COL6A3: variants seen among roughly 807,000 people sequenced by gnomAD.
COL6A3 encodes the protein collagen type VI alpha 3 chain, also known as collagen alpha-3(VI) chain.
COL6A3 carries 137 observed loss-of-function variants against 274.1 expected under a neutral mutation model. That is an observed-to-expected ratio of 0.50 (90% CI 0.44 to 0.58). The LOEUF (loss-of-function observed/expected upper bound fraction) is 0.58. Ranked by LOEUF, COL6A3 falls within the 20% of genes least tolerant of loss-of-function variation. COL6A3 has a pLI of 0.00. For synonymous variants in COL6A3, 1,650 were observed against 1,650.6 expected (o/e 1.00, Z 0.01); for missense variants, 3,950 against 4,124.9 (o/e 0.96, Z 1.16).
intron 1 of COL6A3, among the ~76,000 whole-genome samples, chr2:237,412,277 C>T (rs554584124): frequency 4.1e-4 from 63 of 152,374 alleles, no homozygotes; most frequent in African/African-American, 1.5e-3. Flanking sequence ...GGGCGGCCAG[C>T]CCCGGTATTC....
intron 42 of COL6A3, chr2:237,327,085 C>A (rs1263401922): frequency 6.6e-6 from 1 of 152,190 alleles, no homozygotes; most frequent in African/African-American, 2.4e-5. Context: ...ACAAAAACAA[C>A]CTTCTTTCTC....
At position 237,387,756 on chromosome 2, in the gene COL6A3, CA is replaced by C. The variant is rs2078183851; in HGVS notation, c.1137del (p.Gly380GlufsTer13). On this transcript the variant is annotated frameshift_variant, in exon 4 of 44. Transcript: ENST00000295550. LOFTEE classifies it high-confidence loss of function. The stretch of plus-strand genomic sequence containing the variant: ...TCTGCCCTGGAGGCGGCCTGGGCTC[CA>C]AGGCCGAATGAGAACACGCTAGCCT... ...LKQASVFSFG[L>X]GAQAASRAEL... The C allele has an allele frequency of 6.2e-7, 1 of 1,613,938 alleles. No individual in the cohort carries two copies. The highest frequency in any genetic ancestry group is 8.5e-7 in the Non-Finnish European group (1 of 1,179,986).
chr2:237,348,682 T>A lies in COL6A3; in HGVS notation c.6880-19A>T. On this transcript the variant is annotated intron_variant, in intron 28 of 43. Coordinates refer to ENST00000295550, the MANE Select transcript of COL6A3 (RefSeq NM_004369.4). The stretch of plus-strand genomic sequence containing the variant: ...CATCTCCCTAAGAGTGGGAAAGAGA[T>A]GTGACTGTAGGTCGCCATGCCTGGC... 6.2e-7 allele frequency: 1 copy of A among 1,613,772 alleles called. No homozygotes were observed. The highest frequency in any genetic ancestry group is 8.5e-7 in the Non-Finnish European group (1 of 1,179,748).
chr2:237,343,474 C>T (rs1168251266), intron 36 of COL6A3: 2 of 110,856 alleles, frequency 1.8e-5, no homozygotes, highest in African/African-American at 7.3e-5. Flanking sequence ...GAGATCACGC[C>T]ATTGCACTCC....
intron 3 of COL6A3, among the ~76,000 whole-genome samples, chr2:237,392,343 A>G (rs959448330): frequency 1.3e-5 from 2 of 152,194 alleles, no homozygotes; most frequent in East Asian, 3.9e-4. Context: ...TGAAAAACTG[A>G]CATCTGGTAC....
At chr2:237,328,729 C>T (rs549724546) in intron 42 of COL6A3, 2 of 152,200 alleles carry the variant, frequency 1.3e-5, no homozygotes, top group Non-Finnish European at 2.9e-5. Flanking sequence ...TGTTTCAATG[C>T]ATTTTTAAAG....
chr2:237,351,443 C>T (rs945657360), intron 26 of COL6A3, among the ~76,000 whole-genome samples: 6 of 152,220 alleles, frequency 3.9e-5, no homozygotes, highest in Non-Finnish European at 5.9e-5. Context: ...CAAATTAATG[C>T]ATGTTGCAGT....
intron 1 of COL6A3, among the ~76,000 whole-genome samples, chr2:237,410,029 A>G (rs958269899): frequency 2.0e-5 from 3 of 152,236 alleles, no homozygotes; most frequent in Non-Finnish European, 4.4e-5. Flanking sequence ...GCTCTAACGT[A>G]TGTACACTTC....
chr2:237,379,947 A>G (rs1338062906), intron 5 of COL6A3, among the ~76,000 whole-genome samples: 7 of 152,238 alleles, frequency 4.6e-5, no homozygotes, highest in African/African-American at 9.6e-5. Flanking sequence ...TCAAGAATAA[A>G]AAGTATAATT....
chr2:237,375,080 C>A, intron 7 of COL6A3, 60 bp from the exon 8 acceptor site: 1 of 1,606,090 alleles, frequency 6.2e-7, no homozygotes, highest in South Asian at 1.1e-5. Context: ...TTCATATCAA[C>A]GAGGTGGGCT....
Position 237,338,996 on chromosome 2 carries a change from A to G in COL6A3, c.8567+19T>C. The G allele has an allele frequency of 6.2e-7, 1 of 1,603,516 alleles. No individual in the cohort carries two copies. Among genetic ancestry groups the G allele is most frequent in the Non-Finnish European group, 8.5e-7 (1 of 1,170,424 alleles). On this transcript the variant is annotated intron_variant, in intron 39 of 43. Coordinates refer to ENST00000295550, the MANE Select transcript of COL6A3 (RefSeq NM_004369.4). ...CCTGCAGCGCTACAATTTTTAAGAC[A>G]ATAATTATAATCACTTACACTTGTT...
Position 237,377,054 on chromosome 2 carries a change from T to C in COL6A3, c.2788A>G (p.Lys930Glu). ...TCCTCGATCCGGCTGCCAGCAGACT[T>C]CACAAAAATGTACCTCTGTGCATAG... ...LDYAQRYIFV[K>E]SAGSRIEDGV... The change falls in exon 7 of 44, where the codon AAG becomes GAG. Residue 930 changes from lysine to glutamate, a missense_variant. This residue lies in a region of COL6A3 where 1,934 missense variants were observed against 1,984.3 expected (regional missense o/e 0.97). Transcript: ENST00000295550. 6.2e-7 allele frequency: 1 copy of C among 1,614,174 alleles called. No individual in the cohort carries two copies. Among genetic ancestry groups the C allele is most frequent in the Non-Finnish European group, 8.5e-7 (1 of 1,180,034 alleles).
intron 30 of COL6A3, 103 bp downstream of exon 30, chr2:237,348,246 G>T: frequency 2.0e-6 from 2 of 1,011,120 alleles, no homozygotes; most frequent in East Asian, 2.4e-5. Context: ...TAACTGAGTG[G>T]CTGACCCAAG....
chr2:237,369,295 G>C, intron 9 of COL6A3, 118 bp from the exon 10 acceptor site: 1 of 1,370,352 alleles, frequency 7.3e-7, no homozygotes, highest in South Asian at 1.3e-5. Context: ...CAAGATGCCT[G>C]TGTTGTTTGT....
chr2:237,409,180 G>GT (rs1398439863), intron 1 of COL6A3, among the ~76,000 whole-genome samples: 1 of 152,108 alleles, frequency 6.6e-6, no homozygotes, highest in Admixed American at 6.5e-5. Flanking sequence ...CAAGGTAGTA[G>GT]TTTTTTTGAT....
intron 3 of COL6A3, among the ~76,000 whole-genome samples, chr2:237,392,593 A>G (rs747952435): frequency 6.4e-4 from 97 of 152,208 alleles, no homozygotes; most frequent in Non-Finnish European, 1.3e-3. Context: ...AAATCTGTTC[A>G]TAAATCTTGC....
chr2:237,397,949 G>T (rs982613854), intron 1 of COL6A3, among the ~76,000 whole-genome samples: 6 of 152,192 alleles, frequency 3.9e-5, no homozygotes, highest in Non-Finnish European at 7.3e-5. Context: ...AGAGCAGAAT[G>T]GAAATGGGTC....
At chr2:237,342,716 A>AT (rs1403536880) in intron 36 of COL6A3, 1 of 158,740 alleles carries the variant, frequency 6.3e-6, no homozygotes. Context: ...TGAATGAACA[A>AT]TTTTTTGATC....
chr2:237,336,085 C>A (rs776392981), intron 40 of COL6A3, 50 bp downstream of exon 40: 7 of 1,608,786 alleles, frequency 4.4e-6, no homozygotes, highest in Non-Finnish European at 5.9e-6. Context: ...CACCCTGGAG[C>A]AGGAAATGAG....
Sources: gnomAD v4.1 joint callset for allele counts (sites outside exome capture counted in the v4.1 genomes callset) on GRCh38, gnomAD v4.1.1 for gene constraint, gnomAD v4.1.1 regional missense constraint, MANE v1.5 for transcripts, NCBI Gene and HGNC (gene_info 2026-07-23, HGNC 2026-07-21) for gene names.